GPR137C: variants seen among roughly 807,000 people sequenced by gnomAD.
The protein encoded by GPR137C is G protein-coupled receptor 137C.
Under a neutral mutation model 43.4 loss-of-function variants are expected in GPR137C, and 27 were observed. The ratio of observed to expected loss-of-function variants is 0.62; its 90% confidence interval spans 0.46 to 0.86. GPR137C has a LOEUF of 0.86. Ranked by LOEUF, GPR137C falls within the 40% of genes least tolerant of loss-of-function variation. GPR137C has a pLI of 0.00. For synonymous variants in GPR137C, 285 were observed against 226.9 expected, an observed-to-expected ratio of 1.26 and a Z score of -2.30; for missense variants, 522 against 534.6, an observed-to-expected ratio of 0.98 and a Z score of 0.23.
chr14:52,602,357 T>C (rs2038936970), intron 3 of GPR137C, among the ~76,000 whole-genome samples: 1 of 151,960 alleles, frequency 6.6e-6, no homozygotes, highest in South Asian at 2.1e-4. Flanking sequence ...ATACCTTTGT[T>C]ACGCTTTCAC....
intron 5 of GPR137C, 45 bp from the exon 6 acceptor site, chr14:52,633,783 T>C (rs542020278): frequency 6.5e-7 from 1 of 1,533,706 alleles, no homozygotes. Context: ...CCTTTCTTAG[T>C]GGAAAAGTAA....
At chr14:52,585,757 C>T (rs1000324212) in intron 1 of GPR137C, among the ~76,000 whole-genome samples, 2 of 152,134 alleles carry the variant, frequency 1.3e-5, no homozygotes, top group African/African-American at 4.8e-5. Context: ...ATCACTTGAA[C>T]CCAGGAGGCA....
intron 1 of GPR137C, among the ~76,000 whole-genome samples, chr14:52,584,613 C>T (rs981717944): frequency 2.0e-5 from 3 of 152,170 alleles, no homozygotes; most frequent in Admixed American, 2.0e-4. Flanking sequence ...AGTGACTCCA[C>T]TTTGATTCTG....
intron 3 of GPR137C, chr14:52,611,949 T>C (rs1214528463): frequency 1.0e-6 from 1 of 984,930 alleles, no homozygotes; most frequent in Non-Finnish European, 1.2e-6. Flanking sequence ...GTTTATAGAA[T>C]AGGCTTGTTC....
At chr14:52,614,526 TGACTA>T (rs1317036816) in intron 3 of GPR137C, among the ~76,000 whole-genome samples, 1 of 151,842 alleles carries the variant, frequency 6.6e-6, no homozygotes, top group Admixed American at 6.6e-5. Flanking sequence ...GACACTCTGT[TGACTA>T]GGCTAGAGTG....
intron 1 of GPR137C, among the ~76,000 whole-genome samples, chr14:52,567,677 T>G (rs75270816): frequency 4.9e-5 from 7 of 142,278 alleles, no homozygotes; most frequent in African/African-American, 1.3e-4. Context: ...TTTTTTTTTT[T>G]GAGACAGAGA....
At chr14:52,588,146 A>G (rs1042378568) in intron 1 of GPR137C, among the ~76,000 whole-genome samples, 15 of 152,086 alleles carry the variant, frequency 9.9e-5, no homozygotes, top group African/African-American at 3.6e-4. Flanking sequence ...AAAGTTTTTT[A>G]TTGTGTTTTG....
At chr14:52,609,522 G>T (rs960462924) in intron 3 of GPR137C, among the ~76,000 whole-genome samples, 3 of 152,176 alleles carry the variant, frequency 2.0e-5, no homozygotes, top group Admixed American at 6.5e-5. Flanking sequence ...AGTTTTCACA[G>T]TCTGGCTTTG....
chr14:52,617,414 C>T (rs1261204411), intron 3 of GPR137C, among the ~76,000 whole-genome samples: 2 of 152,112 alleles, frequency 1.3e-5, no homozygotes, highest in Non-Finnish European at 2.9e-5. Context: ...CGCGGGGGCT[C>T]ACACCTGTAA....
In GPR137C at chr14:52,637,691, A is replaced by C. The variant is rs1193079898; in HGVS notation, c.*2576A>C. 1 of 152,134 alleles carries C rather than the reference A, an allele frequency of 6.6e-6. No individual in the cohort carries two copies. The highest frequency in any genetic ancestry group is 1.5e-5 in the Non-Finnish European group (1 of 68,020). The allele number at this position is 152,134 out of a possible 1,614,324, so 9.4% of individuals were successfully genotyped here. ...AATTGTAACAAAACACTACTATTAA[A>C]AATAAAAGTGTTTGTGCTTTTATTT... On this transcript the variant is annotated 3_prime_UTR_variant, in exon 7 of 7. Coordinates refer to ENST00000321662, the MANE Select transcript of GPR137C (RefSeq NM_001099652.2).
intron 1 of GPR137C, among the ~76,000 whole-genome samples, chr14:52,587,742 C>T (rs187002769): frequency 6.6e-5 from 10 of 152,230 alleles, no homozygotes; most frequent in Admixed American, 3.9e-4. Context: ...TGCACTCCAG[C>T]CTGGGTAACA....
chr14:52,553,576 C>T lies in GPR137C; in HGVS notation c.429C>T (p.Asn143=), dbSNP rs375496859. 100 of 1,573,936 alleles carry T rather than the reference C, an allele frequency of 6.4e-5. No homozygotes were observed. Among genetic ancestry groups the T allele is most frequent in the South Asian group, 4.4e-4 (38 of 86,926 alleles). The change falls in exon 1 of 7, where the codon AAC becomes AAT. Residue 143 remains asparagine, a synonymous_variant. Coordinates refer to ENST00000321662, the MANE Select transcript of GPR137C (RefSeq NM_001099652.2). Reference sequence around the variant, plus strand: ...AGTTCTCCACGCTCTGTCTCCTCAACCTCTACCTGGCGGAGGTAAGGCGGG... The same window carrying T: ...AGTTCTCCACGCTCTGTCTCCTCAATCTCTACCTGGCGGAGGTAAGGCGGG... ...CLQFSTLCLL[N]LYLAEVICKV... is the part of the protein sequence containing the mutation.
At chr14:52,572,554 A>G (rs1286892425) in intron 1 of GPR137C, among the ~76,000 whole-genome samples, 1 of 152,188 alleles carries the variant, frequency 6.6e-6, no homozygotes. Flanking sequence ...ACACCCCTTC[A>G]AGCTAAAGAT....
intron 1 of GPR137C, among the ~76,000 whole-genome samples, chr14:52,564,429 A>C (rs1455988735): frequency 6.6e-6 from 1 of 152,048 alleles, no homozygotes; most frequent in Non-Finnish European, 1.5e-5. Context: ...CAGCCACATT[A>C]AACATTATTT....
intron 1 of GPR137C, among the ~76,000 whole-genome samples, chr14:52,574,687 G>A (rs1325758168): frequency 1.3e-5 from 2 of 152,232 alleles, no homozygotes; most frequent in African/African-American, 2.4e-5. Context: ...CGTTCTGCAC[G>A]TGTATCCCAG....
At chr14:52,632,396 A>G (rs2039305662) in intron 4 of GPR137C, 87 bp downstream of exon 4, 9 of 935,106 alleles carry the variant, frequency 9.6e-6, no homozygotes, top group Non-Finnish European at 1.1e-5. Context: ...TTGACTTACA[A>G]ACACATTTAT....
intron 3 of GPR137C, among the ~76,000 whole-genome samples, chr14:52,631,536 T>G (rs1378678100): frequency 6.6e-6 from 1 of 152,138 alleles, no homozygotes; most frequent in Non-Finnish European, 1.5e-5. Context: ...CACACCCTTC[T>G]CCAATATACA....
intron 1 of GPR137C, among the ~76,000 whole-genome samples, chr14:52,591,598 A>C (rs893763041): frequency 6.6e-6 from 1 of 151,976 alleles, no homozygotes; most frequent in African/African-American, 2.4e-5. Flanking sequence ...GTATTTTTTC[A>C]TGTGTCTGTT....
intron 1 of GPR137C, among the ~76,000 whole-genome samples, chr14:52,587,174 T>C (rs1002178671): frequency 1.3e-5 from 2 of 152,212 alleles, no homozygotes; most frequent in Non-Finnish European, 2.9e-5. Flanking sequence ...AAACCTACTG[T>C]GAACTAGGCA....
Sources: gnomAD v4.1 joint callset for allele counts (sites outside exome capture counted in the v4.1 genomes callset) on GRCh38, gnomAD v4.1.1 for gene constraint, MANE v1.5 for transcripts, NCBI Gene and HGNC (gene_info 2026-07-23, HGNC 2026-07-21) for gene names.